STPG2: variants seen among roughly 807,000 people sequenced by gnomAD.
STPG2 encodes sperm tail PG-rich repeat containing 2.
A neutral mutation model predicts 54.2 loss-of-function variants in STPG2; 56 were observed. The observed-to-expected ratio is 1.03, with a 90% CI of 0.83 to 1.29. The LOEUF (loss-of-function observed/expected upper bound fraction) is 1.29. Ranked by LOEUF, STPG2 falls within the 50% of genes most tolerant of loss-of-function variation. The probability of loss-of-function intolerance (pLI) is 0.00; values close to 1 mark genes in which losing one functional copy is unlikely to be tolerated. For synonymous variants in STPG2, 200 were observed against 181.8 expected, an observed-to-expected ratio of 1.10 and a Z score of -0.81; for missense variants, 596 against 544.9, an observed-to-expected ratio of 1.09 and a Z score of -0.93.
At chr4:97,444,968 C>A (rs911414974) in intron 4 of STPG2, among the ~76,000 whole-genome samples, 1 of 152,130 alleles carries the variant, frequency 6.6e-6, no homozygotes, top group African/African-American at 2.4e-5. Context: ...ACCCAGGAGG[C>A]AGAGCTTGCA....
chr4:97,889,701 G>A (rs550736170), intron 8 of STPG2, among the ~76,000 whole-genome samples: 2 of 152,164 alleles, frequency 1.3e-5, no homozygotes, highest in East Asian at 3.9e-4. Flanking sequence ...TTTTGGGGAC[G>A]TGCTGGTCAA....
intron 10 of STPG2, among the ~76,000 whole-genome samples, chr4:97,618,640 G>A (rs1160615314): frequency 6.6e-6 from 1 of 152,128 alleles, no homozygotes; most frequent in Non-Finnish European, 1.5e-5. Context: ...AGAGTGACCT[G>A]TGTATAAATA....
At chr4:98,120,200 C>G (rs190787889) in intron 3 of STPG2, among the ~76,000 whole-genome samples, 1 of 152,248 alleles carries the variant, frequency 6.6e-6, no homozygotes, top group Non-Finnish European at 1.5e-5. Flanking sequence ...TCTGCCTCAG[C>G]CTCCCGAGTA....
chr4:97,645,110 G>C (rs577355558), intron 10 of STPG2, among the ~76,000 whole-genome samples: 1 of 152,060 alleles, frequency 6.6e-6, no homozygotes, highest in Non-Finnish European at 1.5e-5. Context: ...ATATTATTTA[G>C]AGTATAACTT....
intron 9 of STPG2, among the ~76,000 whole-genome samples, chr4:97,818,831 G>A (rs1727995678): frequency 6.6e-6 from 1 of 151,300 alleles, no homozygotes; most frequent in East Asian, 1.9e-4. Flanking sequence ...CTAATAATCT[G>A]TGTACTATAC....
intron 5 of STPG2, among the ~76,000 whole-genome samples, chr4:98,064,050 T>G (rs572733372): frequency 6.6e-6 from 1 of 152,236 alleles, no homozygotes; most frequent in African/African-American, 2.4e-5. Flanking sequence ...AACATCTAAC[T>G]CTATATAAAG....
intron 10 of STPG2, among the ~76,000 whole-genome samples, chr4:97,690,785 G>T (rs1723339284): frequency 6.6e-6 from 1 of 152,018 alleles, no homozygotes; most frequent in African/African-American, 2.4e-5. Context: ...ATTAAAAAAA[G>T]AAAGAAACAG....
At chr4:97,871,645 G>GA (rs1274082008) in intron 8 of STPG2, among the ~76,000 whole-genome samples, 1 of 150,820 alleles carries the variant, frequency 6.6e-6, no homozygotes, top group African/African-American at 2.4e-5. Context: ...TGTAGAAAAA[G>GA]AAAAAACAGT....
intron 8 of STPG2, among the ~76,000 whole-genome samples, chr4:97,865,253 AC>A (rs1247739559): frequency 6.6e-6 from 1 of 152,138 alleles, no homozygotes; most frequent in Non-Finnish European, 1.5e-5. Flanking sequence ...CAAGAAAAAA[AC>A]AAACAACCCC....
At chr4:97,539,081 C>G (rs1173941846) in intron 4 of STPG2, among the ~76,000 whole-genome samples, 1 of 152,124 alleles carries the variant, frequency 6.6e-6, no homozygotes, top group African/African-American at 2.4e-5. Flanking sequence ...CCAGCCACTG[C>G]AAAAACATAC....
intron 9 of STPG2, among the ~76,000 whole-genome samples, chr4:97,725,475 G>A (rs1170098395): frequency 6.6e-6 from 1 of 151,800 alleles, no homozygotes; most frequent in Non-Finnish European, 1.5e-5. Context: ...AAATTGAATA[G>A]TATGATGAAA....
chr4:98,047,255 T>C (rs1302568760), intron 5 of STPG2, among the ~76,000 whole-genome samples: 1 of 152,214 alleles, frequency 6.6e-6, no homozygotes, highest in Non-Finnish European at 1.5e-5. Context: ...TGCATGCTTA[T>C]GTGTGGATAA....
At chr4:97,714,399 C>A (rs1724225607) in intron 9 of STPG2, among the ~76,000 whole-genome samples, 1 of 151,942 alleles carries the variant, frequency 6.6e-6, no homozygotes, top group Admixed American at 6.6e-5. Context: ...TTGTGGGAAG[C>A]TAATGTGTTT....
intron 10 of STPG2, among the ~76,000 whole-genome samples, chr4:97,578,025 G>A (rs1475298002): frequency 1.3e-5 from 2 of 151,418 alleles, no homozygotes; most frequent in African/African-American, 2.4e-5. Context: ...AAGATATTAC[G>A]AATATAACAC....
chr4:97,698,194 T>A (rs1578489020), intron 10 of STPG2, among the ~76,000 whole-genome samples: 2 of 152,264 alleles, frequency 1.3e-5, no homozygotes, highest in East Asian at 3.9e-4. Flanking sequence ...ACTCAAACCT[T>A]CATTCCTGAA....
At chr4:98,028,663 C>T (rs951868107) in intron 5 of STPG2, among the ~76,000 whole-genome samples, 7 of 152,116 alleles carry the variant, frequency 4.6e-5, no homozygotes, top group South Asian at 2.1e-4. Flanking sequence ...TTCCTTGTTT[C>T]GTTGTGGAGA....
At chr4:97,905,564 C>A (rs997083226) in intron 8 of STPG2, among the ~76,000 whole-genome samples, 2 of 151,690 alleles carry the variant, frequency 1.3e-5, no homozygotes, top group African/African-American at 2.4e-5. Flanking sequence ...AGCAAAATAA[C>A]CAGTTAACAT....
chr4:97,737,480 G>A (rs1231650932), intron 9 of STPG2, among the ~76,000 whole-genome samples: 2 of 152,160 alleles, frequency 1.3e-5, no homozygotes, highest in Non-Finnish European at 2.9e-5. Flanking sequence ...TTAGACGAAT[G>A]TATAACTAGA....
intron 10 of STPG2, among the ~76,000 whole-genome samples, chr4:97,661,583 A>G (rs1722377505): frequency 6.6e-6 from 1 of 152,156 alleles, no homozygotes; most frequent in Non-Finnish European, 1.5e-5. Context: ...TTGGCCATCA[A>G]TATCTCTACA....
Sources: allele counts gnomAD v4.1 joint callset (sites outside exome capture counted in the v4.1 genomes callset), GRCh38; gene constraint gnomAD v4.1.1; transcripts MANE v1.5; gene names NCBI Gene and HGNC (gene_info 2026-07-23, HGNC 2026-07-21).